Variants in ZC3H12B observed in about 807,000 individuals in gnomAD.
ZC3H12B encodes zinc finger CCCH-type containing 12B.
A neutral mutation model predicts 43.9 loss-of-function variants in ZC3H12B; 7 were observed. That is an observed-to-expected ratio of 0.16 (90% CI 0.09 to 0.30). The LOEUF (loss-of-function observed/expected upper bound fraction) is 0.30. Among genes scored for constraint, ZC3H12B ranks in the 10% least tolerant of loss-of-function variants. The pLI is 1.00. For missense variants in ZC3H12B, 475 were observed against 670.2 expected, an observed-to-expected ratio of 0.71 and a Z score of 3.22; for synonymous variants, 222 against 241.7, an observed-to-expected ratio of 0.92 and a Z score of 0.76.
At chrX:65,408,430 G>T (rs968591066) in intron 3 of ZC3H12B, 6 of 1,209,397 alleles carry the variant, frequency 5.0e-6, no homozygotes, top group Non-Finnish European at 6.7e-6. Flanking sequence ...AGGTGACCAT[G>T]GCAGAGTTGA....
At chrX:65,113,991 A>G in the ZC3H12B span, among the ~76,000 whole-genome samples, 12 of 23,819 alleles carry the variant, frequency 5.0e-4, no homozygotes, top group African/African-American at 6.5e-3. Context: ...GCTTGTATAT[A>G]TATATATATA....
At chrX:65,373,259 G>T (rs1316995781) in intron 2 of ZC3H12B, among the ~76,000 whole-genome samples, 2 of 112,002 alleles carry the variant, frequency 1.8e-5, no homozygotes, top group Admixed American at 9.5e-5. Context: ...TGGAGAGGAT[G>T]TGGAGAAATA....
intron 3 of ZC3H12B, among the ~76,000 whole-genome samples, chrX:65,426,399 A>G (rs1370365516): frequency 3.3e-5 from 3 of 90,826 alleles, no homozygotes; most frequent in African/African-American, 1.9e-4. Flanking sequence ...TTCCAAAAAA[A>G]AAAAAAAAAA....
intron 3 of ZC3H12B, among the ~76,000 whole-genome samples, chrX:65,407,604 C>T (rs1460373285): frequency 2.6e-5 from 3 of 113,542 alleles, no homozygotes; most frequent in Non-Finnish European, 5.6e-5. Flanking sequence ...CGCCCGCCGC[C>T]GCCTCGGGGA....
chrX:65,197,244 C>T, the ZC3H12B span, among the ~76,000 whole-genome samples: 1 of 111,985 alleles, frequency 8.9e-6, no homozygotes. Context: ...CAAAAAATGG[C>T]ACAGGAAAAA....
the ZC3H12B span, among the ~76,000 whole-genome samples, chrX:65,228,845 CA>C: frequency 3.6e-5 from 4 of 111,203 alleles, no homozygotes; most frequent in East Asian, 1.1e-3. Context: ...AGGACCTCTT[CA>C]AGGAGAACTA....
the ZC3H12B span, among the ~76,000 whole-genome samples, chrX:65,293,218 C>T: frequency 9.0e-6 from 1 of 110,874 alleles, no homozygotes; most frequent in African/African-American, 3.3e-5. Context: ...AGTCTGGTAG[C>T]TCTGCTGGGT....
At chrX:65,323,976 G>C in the ZC3H12B span, among the ~76,000 whole-genome samples, 6 of 111,910 alleles carry the variant, frequency 5.4e-5, no homozygotes, top group African/African-American at 1.9e-4. Context: ...ATGTTTCTTG[G>C]CCGCATAGAT....
the ZC3H12B span, among the ~76,000 whole-genome samples, chrX:65,214,756 G>A: frequency 3.6e-5 from 4 of 111,844 alleles, no homozygotes; most frequent in East Asian, 2.8e-4. Context: ...ATTTGGGATG[G>A]TGATTTTTTT....
the ZC3H12B span, among the ~76,000 whole-genome samples, chrX:65,237,602 G>A: frequency 2.8e-5 from 3 of 107,656 alleles, no homozygotes; most frequent in South Asian, 4.0e-4. Context: ...ATTCTGTATC[G>A]AATACGAGTT....
At chrX:65,059,219 A>ACCCCCCC in the ZC3H12B span, among the ~76,000 whole-genome samples, 77 of 38,409 alleles carry the variant, frequency 2.0e-3, no homozygotes, top group Non-Finnish European at 2.9e-3. Flanking sequence ...TCTTGGAACC[A>ACCCCCCC]CCCCCCCCCC....
chrX:65,312,440 T>A, the ZC3H12B span, among the ~76,000 whole-genome samples: 1 of 108,647 alleles, frequency 9.2e-6, no homozygotes, highest in Non-Finnish European at 1.9e-5. Context: ...GCCACAGTAA[T>A]GAATCTGCAC....
At chrX:65,118,815 A>G in the ZC3H12B span, among the ~76,000 whole-genome samples, 1 of 76,035 alleles carries the variant, frequency 1.3e-5, no homozygotes, top group East Asian at 5.4e-4. Flanking sequence ...CCACCCCACA[A>G]CAGGCCCCGG....
chrX:65,123,794 T>A, the ZC3H12B span, among the ~76,000 whole-genome samples: 2 of 108,132 alleles, frequency 1.8e-5, no homozygotes, highest in African/African-American at 6.7e-5. Context: ...TTCAGTTTGT[T>A]CACTGTTGGT....
At chrX:65,378,736 G>A (rs2148002079) in intron 2 of ZC3H12B, among the ~76,000 whole-genome samples, 1 of 112,480 alleles carries the variant, frequency 8.9e-6, no homozygotes, top group South Asian at 3.7e-4. Flanking sequence ...GTGGGCACAG[G>A]TCAGTTGGTG....
At chrX:65,179,605 TAAAG>T in the ZC3H12B span, among the ~76,000 whole-genome samples, 1 of 109,476 alleles carries the variant, frequency 9.1e-6, no homozygotes. Flanking sequence ...GCCAGACTAA[TAAAG>T]AAGAAAAGGG....
At chrX:65,404,587 A>C (rs757811766) in intron 3 of ZC3H12B, among the ~76,000 whole-genome samples, 17 of 111,953 alleles carry the variant, frequency 1.5e-4, no homozygotes, top group Non-Finnish European at 3.0e-4. Context: ...TTCAGGACAA[A>C]AACTATAAGA....
the ZC3H12B span, among the ~76,000 whole-genome samples, chrX:65,136,682 G>T: frequency 9.0e-5 from 10 of 111,448 alleles, no homozygotes; most frequent in African/African-American, 3.3e-4. Context: ...TTCCAAGTCT[G>T]GGATATAACA....
At chrX:65,373,990 A>G (rs1299997030) in intron 2 of ZC3H12B, among the ~76,000 whole-genome samples, 2 of 49,640 alleles carry the variant, frequency 4.0e-5, no homozygotes. Flanking sequence ...TATACTATAT[A>G]TATATAGTAT....
Sources: allele counts gnomAD v4.1 joint callset (sites outside exome capture counted in the v4.1 genomes callset), GRCh38; gene constraint gnomAD v4.1.1; transcripts MANE v1.5; gene names NCBI Gene and HGNC (gene_info 2026-07-23, HGNC 2026-07-21).